EPHA5: variants seen among roughly 807,000 people sequenced by gnomAD.
The protein encoded by EPHA5 is EPH receptor A5, also known as ephrin type-A receptor 5.
EPHA5 carries 60 observed loss-of-function variants against 105.0 expected under a neutral mutation model. That is an observed-to-expected ratio of 0.57 (90% CI 0.46 to 0.71). The LOEUF (loss-of-function observed/expected upper bound fraction) is 0.71. Among genes scored for constraint, EPHA5 ranks in the 30% least tolerant of loss-of-function variants. The pLI is 0.00. For missense variants in EPHA5, 1,218 were observed against 1,274.7 expected (o/e 0.96, Z 0.68); for synonymous variants, 513 against 449.1 (o/e 1.14, Z -1.80).
At chr4:65,419,216 A>G (rs964686793) in intron 6 of EPHA5, among the ~76,000 whole-genome samples, 2 of 151,926 alleles carry the variant, frequency 1.3e-5, no homozygotes, top group African/African-American at 4.8e-5. Context: ...GTATATATGT[A>G]TATATATAGT....
At position 65,366,008 on chromosome 4, in the gene EPHA5, A is replaced by C. The variant is rs1479852908; in HGVS notation, c.1911T>G (p.Asp637Glu). Residue 637 changes from aspartate to glutamate, a missense_variant, in exon 10 of 17, where the codon GAT becomes GAG. This residue lies in a region of EPHA5 where 971 missense variants were observed against 1,013.5 expected (regional missense o/e 0.96). Coordinates refer to ENST00000613740, the MANE Select transcript of EPHA5 (RefSeq NM_001281766.3). The stretch of plus-strand genomic sequence containing the variant: ...CAAATTCGTGGACAGCTTGATTGGG[A>C]TCCTCATAGGTATGTGGATCAATGT... ...RTYIDPHTYE[D>E]PNQAVHEFAK... is the part of the protein sequence containing the mutation. 2 of 1,608,014 alleles carry C rather than the reference A, an allele frequency of 1.2e-6. No homozygotes were observed. Among genetic ancestry groups the C allele is most frequent in the South Asian group, 2.2e-5 (2 of 90,506 alleles).
chr4:65,375,758 T>C (rs1718934189), intron 8 of EPHA5, among the ~76,000 whole-genome samples: 1 of 147,174 alleles, frequency 6.8e-6, no homozygotes, highest in Admixed American at 6.9e-5. Flanking sequence ...CCATTTTTAG[T>C]TTTTCATAGC....
intron 5 of EPHA5, among the ~76,000 whole-genome samples, chr4:65,466,514 C>G (rs1728731842): frequency 6.6e-6 from 1 of 152,096 alleles, no homozygotes; most frequent in African/African-American, 2.4e-5. Context: ...TTAAAGAGAT[C>G]CCTGTGGCTG....
chr4:65,505,416 C>T (rs1732911517), intron 3 of EPHA5, among the ~76,000 whole-genome samples: 1 of 151,982 alleles, frequency 6.6e-6, no homozygotes, highest in East Asian at 1.9e-4. Context: ...CAAGAAGCAT[C>T]CACTGTCAAA....
chr4:65,529,915 C>G, intron 3 of EPHA5, among the ~76,000 whole-genome samples: 1 of 152,088 alleles, frequency 6.6e-6, no homozygotes, highest in Admixed American at 6.6e-5. Flanking sequence ...CGAAATTATA[C>G]ACATTGGAAA....
At position 65,321,032 on chromosome 4, in the gene EPHA5, T is replaced by C. The variant is rs1719600912; in HGVS notation, c.*3082A>G. 8.7e-6 allele frequency: 2 copies of C among 230,338 alleles called. No individual in the cohort carries two copies. The highest frequency in any genetic ancestry group is 5.7e-5 in the Admixed American group (1 of 17,604). 14.3% of individuals were successfully genotyped at this position (230,338 alleles called of 1,614,324 possible). A position where few individuals can be genotyped will look rare whatever the true frequency, so the allele number is the denominator to read the frequency against. On this transcript the variant is annotated 3_prime_UTR_variant, in exon 17 of 17. Transcript: ENST00000613740. ...ACATTATGAAAAGAGCAACTGGTTA[T>C]ATTAATAGTATATATGAGCAAATGA...
chr4:65,620,116 A>ATATATATATATG (rs148995370), intron 2 of EPHA5, among the ~76,000 whole-genome samples: 1 of 147,368 alleles, frequency 6.8e-6, no homozygotes, highest in Non-Finnish European at 1.5e-5. Context: ...AGGTATATAT[A>ATATATATATATG]TATATATATA....
chr4:65,660,313 A>G (rs1262956306), intron 1 of EPHA5, among the ~76,000 whole-genome samples: 1 of 152,138 alleles, frequency 6.6e-6, no homozygotes, highest in Non-Finnish European at 1.5e-5. Context: ...AATAATGGGG[A>G]AAACCAACAG....
chr4:65,601,719 C>T lies in EPHA5; in HGVS notation c.832G>A (p.Ala278Thr), dbSNP rs749830045. Residue 278 changes from alanine (A) to threonine (T), a missense_variant, in exon 3 of 17, where the codon GCC becomes ACC. Coordinates refer to ENST00000613740, the MANE Select transcript of EPHA5 (RefSeq NM_001281766.3). ...TDEPPKMHCS[A>T]EGEWLVPIGK... ...ATGGGCACCAGCCACTCCCCTTCGG[C>T]GCTGCAGTGCATTTTGGGAGGTTCA... 3.7e-6 allele frequency: 6 copies of T among 1,614,116 alleles called. No homozygotes were observed. In the East Asian group the frequency reaches 1.3e-4, roughly 36 times the overall value.
At chr4:65,379,376 T>G (rs912976473) in intron 8 of EPHA5, among the ~76,000 whole-genome samples, 1 of 151,726 alleles carries the variant, frequency 6.6e-6, no homozygotes, top group Non-Finnish European at 1.5e-5. Context: ...ATAATTTCAA[T>G]AAAATTTGAT....
At position 65,441,218 on chromosome 4, in the gene EPHA5, A is replaced by G. The variant is rs568549010; in HGVS notation, c.1403-20653T>C. On this transcript the variant is annotated intron_variant, in intron 5 of 16. Transcript: ENST00000613740. ...ACCTAATATAAAAGTTGGTGATATA[A>G]AGTAATTAATTGAAGAAAAATGCAA... Among the ~76,000 whole-genome samples the G allele has an allele frequency of 3.9e-5, 6 of 152,122 alleles. No individual in the cohort carries two copies. The East Asian group carries it at 9.6e-4, about 24-fold the overall frequency.
intron 16 of EPHA5, among the ~76,000 whole-genome samples, chr4:65,329,806 T>A (rs1435554770): frequency 8.2e-6 from 1 of 122,234 alleles, no homozygotes; most frequent in African/African-American, 3.0e-5. Flanking sequence ...TAGCAATGAC[T>A]GACTTTTTTT....
At chr4:65,417,457 C>G (rs920529349) in intron 6 of EPHA5, among the ~76,000 whole-genome samples, 1 of 152,124 alleles carries the variant, frequency 6.6e-6, no homozygotes, top group Non-Finnish European at 1.5e-5. Flanking sequence ...GGCTCACACA[C>G]GATGGTCCGG....
chr4:65,491,702 G>A (rs555599132), intron 4 of EPHA5, among the ~76,000 whole-genome samples: 1 of 151,920 alleles, frequency 6.6e-6, no homozygotes, highest in Non-Finnish European at 1.5e-5. Context: ...TCAATAAGAT[G>A]GAATATTTCC....
At chr4:65,346,087 T>C (rs1560434360) in intron 14 of EPHA5, among the ~76,000 whole-genome samples, 2 of 150,998 alleles carry the variant, frequency 1.3e-5, no homozygotes, top group African/African-American at 4.9e-5. Context: ...TCTCTCTCTT[T>C]TTTTTTTTTC....
chr4:65,629,323 A>C (rs1261887454), intron 2 of EPHA5, among the ~76,000 whole-genome samples: 5 of 152,186 alleles, frequency 3.3e-5, no homozygotes, highest in Admixed American at 6.5e-5. Flanking sequence ...GGATGTTATT[A>C]GTTTTTTGCC....
chr4:65,620,181 G>A (rs1205286181), intron 2 of EPHA5, among the ~76,000 whole-genome samples: 2 of 149,998 alleles, frequency 1.3e-5, no homozygotes, highest in Non-Finnish European at 3.0e-5. Flanking sequence ...TGAAGTATGT[G>A]CCTAGAACTT....
intron 15 of EPHA5, among the ~76,000 whole-genome samples, chr4:65,334,960 G>A (rs945170860): frequency 2.0e-5 from 3 of 151,904 alleles, no homozygotes; most frequent in African/African-American, 7.2e-5. Context: ...AAGAAGATAC[G>A]TTCTCCATTT....
At chr4:65,460,944 T>C (rs541379389) in intron 5 of EPHA5, among the ~76,000 whole-genome samples, 5 of 152,008 alleles carry the variant, frequency 3.3e-5, no homozygotes, top group South Asian at 2.1e-4. Flanking sequence ...TTTAATGTGG[T>C]TAATCATCAA....
Sources: allele counts gnomAD v4.1 joint callset (sites outside exome capture counted in the v4.1 genomes callset), GRCh38; gene constraint gnomAD v4.1.1; regional missense constraint gnomAD v4.1.1; transcripts MANE v1.5; gene names NCBI Gene and HGNC (gene_info 2026-07-23, HGNC 2026-07-21).